Variants in MCM6 observed in about 807,000 individuals in gnomAD.
MCM6 encodes the protein minichromosome maintenance complex component 6, also known as DNA replication licensing factor MCM6.
In MCM6, 46 loss-of-function variants were observed where a neutral mutation model predicts 94.3. The ratio of observed to expected loss-of-function variants is 0.49; its 90% CI spans 0.39 to 0.62. The LOEUF (loss-of-function observed/expected upper bound fraction) is 0.62. Ranked by LOEUF, MCM6 falls within the 20% of genes least tolerant of loss-of-function variation. MCM6 has a pLI of 0.00. For synonymous variants in MCM6, 335 were observed against 351.9 expected, an observed-to-expected ratio of 0.95 and a Z score of 0.54; for missense variants, 865 against 1,017.9, an observed-to-expected ratio of 0.85 and a Z score of 2.04.
At chr2:135,853,449 CA>C (rs1220359579) in intron 11 of MCM6, among the ~76,000 whole-genome samples, 1 of 152,006 alleles carries the variant, frequency 6.6e-6, no homozygotes, top group Non-Finnish European at 1.5e-5. Flanking sequence ...ATCTCAAAAA[CA>C]AAACAACAAA....
At chr2:135,866,754 A>G in intron 4 of MCM6, 26 bp from the exon 5 acceptor site, 2 of 1,563,946 alleles carry the variant, frequency 1.3e-6, no homozygotes, top group Non-Finnish European at 8.6e-7. Flanking sequence ...ACAACCAACC[A>G]AGAATGAGAA....
At chr2:135,847,278 G>A (rs1302885653) in intron 14 of MCM6, among the ~76,000 whole-genome samples, 1 of 152,114 alleles carries the variant, frequency 6.6e-6, no homozygotes, top group Non-Finnish European at 1.5e-5. Context: ...TTAGCCAGGA[G>A]TGGTGGCGTG....
At chr2:135,859,474 A>G in intron 8 of MCM6, 32 bp from the exon 9 acceptor site, 1 of 1,517,450 alleles carries the variant, frequency 6.6e-7, no homozygotes, top group Non-Finnish European at 9.0e-7. Context: ...AGACTCATTA[A>G]TATGTGATTA....
At chr2:135,868,998 A>G (rs977558776) in intron 3 of MCM6, 138 bp from the exon 4 acceptor site, 22 of 747,912 alleles carry the variant, frequency 2.9e-5, no homozygotes, top group South Asian at 1.1e-4. Flanking sequence ...GGACTCTCCT[A>G]TAAGAATAAT....
chr2:135,859,996 G>T (rs777209759), intron 8 of MCM6, among the ~76,000 whole-genome samples: 2 of 151,806 alleles, frequency 1.3e-5, no homozygotes, highest in African/African-American at 4.8e-5. Context: ...TAGAGATGGG[G>T]TTTCACCATG....
chr2:135,856,384 A>G (rs1341190158), intron 11 of MCM6, among the ~76,000 whole-genome samples: 1 of 152,244 alleles, frequency 6.6e-6, no homozygotes, highest in Non-Finnish European at 1.5e-5. Context: ...TGGAGGTTGC[A>G]GTAGGCCAAG....
At chr2:135,853,529 G>A (rs746833783) in intron 11 of MCM6, among the ~76,000 whole-genome samples, 1 of 152,176 alleles carries the variant, frequency 6.6e-6, no homozygotes, top group Non-Finnish European at 1.5e-5. Context: ...GGTCTTAGAA[G>A]AATTAACTTA....
chr2:135,842,060 A>T (rs560173509), intron 16 of MCM6, among the ~76,000 whole-genome samples: 1 of 152,260 alleles, frequency 6.6e-6, no homozygotes, highest in African/African-American at 2.4e-5. Context: ...AGCTGAGATC[A>T]TGCTACTGCA....
At chr2:135,860,006 G>T (rs1679959407) in intron 8 of MCM6, among the ~76,000 whole-genome samples, 1 of 152,098 alleles carries the variant, frequency 6.6e-6, no homozygotes, top group African/African-American at 2.4e-5. Flanking sequence ...GTTTCACCAT[G>T]TTGGCCAGGC....
At chr2:135,851,736 T>C in intron 12 of MCM6, 173 bp from the exon 13 acceptor site, 1 of 454,056 alleles carries the variant, frequency 2.2e-6, no homozygotes, top group South Asian at 7.3e-5. Context: ...AAGAAACTAA[T>C]ATTAAGGAGG....
chr2:135,846,109 G>GT, intron 15 of MCM6, 128 bp downstream of exon 15: 1 of 875,692 alleles, frequency 1.1e-6, no homozygotes, highest in Admixed American at 2.6e-5. Flanking sequence ...CTTTGCTAAA[G>GT]TGAGTTTATC....
chr2:135,842,664 CAAGA>C (rs763224086), intron 16 of MCM6, among the ~76,000 whole-genome samples: 60 of 152,262 alleles, frequency 3.9e-4, no homozygotes, highest in Non-Finnish European at 8.7e-4. Flanking sequence ...GGCAGGCTAG[CAAGA>C]AAGGTTTCTT....
chr2:135,861,301 C>A (rs942491268), intron 8 of MCM6, among the ~76,000 whole-genome samples: 1 of 152,048 alleles, frequency 6.6e-6, no homozygotes. Flanking sequence ...CTCGGTGTCA[C>A]CTTTCACCTA....
chr2:135,851,489 G>C lies in MCM6; in HGVS notation c.1830C>G (p.Thr610=). The C allele has an allele frequency of 6.2e-7, 1 of 1,613,522 alleles. No homozygotes were observed. Among genetic ancestry groups the C allele is most frequent in the Non-Finnish European group, 8.5e-7 (1 of 1,179,818 alleles). Residue 610 remains threonine (T), a synonymous_variant, in exon 13 of 17, where the codon ACC becomes ACG. Coordinates refer to ENST00000264156, the MANE Select transcript of MCM6 (RefSeq NM_005915.6). ...HLRQRDGSGV[T]KSSWRITVRQ... Reference sequence around the variant, plus strand: ...GCACTGTAATCCTCCATGAAGACTTGGTCACTCCAGAACCATCTCTCTGGC... The same window carrying C: ...GCACTGTAATCCTCCATGAAGACTTCGTCACTCCAGAACCATCTCTCTGGC...
intron 13 of MCM6, among the ~76,000 whole-genome samples, chr2:135,850,194 G>C (rs1051924014): frequency 3.9e-5 from 6 of 152,056 alleles, no homozygotes; most frequent in African/African-American, 1.4e-4. Context: ...TCAGTGACTG[G>C]GTTTAAACGT....
Position 135,876,396 on chromosome 2 carries a change from C to T in MCM6, c.-31G>A. ...CTTAGTGCCGAGGATTCGCCTGCGC[C>T]ACGCTCGACCGCCACAAGTCGCTTT... On this transcript the variant is annotated 5_prime_UTR_variant, in exon 1 of 17. Coordinates refer to ENST00000264156, the MANE Select transcript of MCM6 (RefSeq NM_005915.6). The T allele has an allele frequency of 6.5e-7, 1 of 1,539,670 alleles. No individual in the cohort carries two copies. Among genetic ancestry groups the T allele is most frequent in the Non-Finnish European group, 8.8e-7 (1 of 1,140,880 alleles).
At chr2:135,870,559 A>G (rs1010284591) in intron 2 of MCM6, among the ~76,000 whole-genome samples, 198 bp from the exon 3 acceptor site, 1 of 152,192 alleles carries the variant, frequency 6.6e-6, no homozygotes, top group Non-Finnish European at 1.5e-5. Flanking sequence ...CCGGAACACT[A>G]AATATAAAAT....
chr2:135,855,421 T>TTCA (rs901907034), intron 11 of MCM6, among the ~76,000 whole-genome samples: 4 of 151,686 alleles, frequency 2.6e-5, no homozygotes, highest in African/African-American at 9.7e-5. Flanking sequence ...ATCTTAGCTA[T>TTCA]TCAGGAGGCT....
At chr2:135,858,948 G>A (rs568088186) in intron 9 of MCM6, among the ~76,000 whole-genome samples, 1 of 152,248 alleles carries the variant, frequency 6.6e-6, no homozygotes, top group African/African-American at 2.4e-5. Context: ...CTGGAGTGCA[G>A]TGGCACAATC....
Sources: allele counts gnomAD v4.1 joint callset (sites outside exome capture counted in the v4.1 genomes callset), GRCh38; gene constraint gnomAD v4.1.1; transcripts MANE v1.5; gene names NCBI Gene and HGNC (gene_info 2026-07-23, HGNC 2026-07-21).